Variants in MACF1 observed in about 807,000 individuals in gnomAD.
The protein encoded by MACF1 is microtubule-actin cross-linking factor 1.
Under a neutral mutation model 854.8 loss-of-function variants are expected in MACF1, and 193 were observed. That is an observed-to-expected ratio of 0.23 (90% confidence interval 0.20 to 0.25). The LOEUF is 0.25. Ranked by LOEUF, MACF1 falls within the 10% of genes least tolerant of loss-of-function variation. MACF1 has a pLI of 1.00. For synonymous variants in MACF1, 3,185 were observed against 3,226.7 expected (o/e 0.99, Z 0.44); for missense variants, 7,722 against 8,929.1 (o/e 0.86, Z 5.45).
intron 19 of MACF1, among the ~76,000 whole-genome samples, chr1:39,295,394 G>A (rs1339397678): frequency 6.6e-6 from 1 of 152,184 alleles, no homozygotes; most frequent in African/African-American, 2.4e-5. Flanking sequence ...AGCTTTCAGA[G>A]GAAAAGTGAC....
intron 58 of MACF1, among the ~76,000 whole-genome samples, chr1:39,396,538 T>A (rs772837793): frequency 6.6e-6 from 1 of 152,176 alleles, no homozygotes; most frequent in Non-Finnish European, 1.5e-5. Flanking sequence ...AGTAGTTGAT[T>A]AGTAAACATG....
chr1:39,124,675 G>T (rs1642814991), intron 2 of MACF1, among the ~76,000 whole-genome samples: 1 of 152,114 alleles, frequency 6.6e-6, no homozygotes. Flanking sequence ...GTTTTGCCTA[G>T]CATTATTTAA....
rs1457801660 is a variant in MACF1, at chr1:39,335,673, G to A, written c.9085G>A (p.Ala3029Thr). 6.2e-7 allele frequency: 1 copy of A among 1,614,018 alleles called. No homozygotes were observed. The highest frequency in any genetic ancestry group is 2.2e-5 in the East Asian group (1 of 44,876). Residue 3029 changes from alanine (A) to threonine (T), a missense_variant, in exon 37 of 101, where the codon GCT becomes ACT. By Grantham distance (58) the Ala-to-Thr change is moderately conservative. Transcript: ENST00000564288. ...EMTSSEKGKE[A>T]DTEMGFSITF... ...GACCTCAAGTGAAAAAGGGAAAGAA[G>A]CTGATACAGAAATGGGATTTTCTAT...
At chr1:39,375,140 T>C (rs1649603986) in intron 52 of MACF1, among the ~76,000 whole-genome samples, 1 of 151,782 alleles carries the variant, frequency 6.6e-6, no homozygotes, top group African/African-American at 2.4e-5. Context: ...ATAATAAAAA[T>C]TAAAAGAAAC....
At chr1:39,121,541 C>G (rs137917680) in intron 2 of MACF1, among the ~76,000 whole-genome samples, 1 of 152,104 alleles carries the variant, frequency 6.6e-6, no homozygotes, top group Non-Finnish European at 1.5e-5. Context: ...CTTCGCCTCC[C>G]GGGTTCAAGT....
chr1:39,310,380 G>A lies in MACF1; in HGVS notation c.3052G>A (p.Glu1018Lys), dbSNP rs1410510528. The change falls in exon 25 of 101, where the codon GAA (glutamate) becomes AAA (lysine). Residue 1018 changes from glutamate to lysine, a missense_variant. Physicochemically the swap from Glu to Lys is moderately conservative, Grantham distance 56 (BLOSUM62 1). Coordinates refer to ENST00000564288, the MANE Select transcript of MACF1 (RefSeq NM_001394062.1). ...TCGCTTGCGCTTGGAAGAGGAGGTGGAAGCTTGTAAAGCCCGCTTCCAGCA... is the reference window on the plus strand; with the variant it reads ...TCGCTTGCGCTTGGAAGAGGAGGTGAAAGCTTGTAAAGCCCGCTTCCAGCA... ...ADRLRLEEEV[E>K]ACKARFQHLM... The A allele has an allele frequency of 1.9e-6, 3 of 1,614,044 alleles. No individual in the cohort carries two copies. The highest frequency in any genetic ancestry group is 1.3e-5 in the African/African-American group (1 of 74,912).
At chr1:39,467,307 A>G (rs936880779) in intron 95 of MACF1, among the ~76,000 whole-genome samples, 6 of 152,090 alleles carry the variant, frequency 3.9e-5, no homozygotes. Flanking sequence ...GGAGCTTGCA[A>G]TGAGCCAAGA....
chr1:39,219,201 C>CT (rs1234467993), intron 1 of MACF1, among the ~76,000 whole-genome samples: 1 of 152,208 alleles, frequency 6.6e-6, no homozygotes, highest in Non-Finnish European at 1.5e-5. Context: ...TGATAAATGC[C>CT]TTTCATGAAT....
At chr1:39,450,841 G>A (rs1487602800) in intron 84 of MACF1, among the ~76,000 whole-genome samples, 2 of 151,920 alleles carry the variant, frequency 1.3e-5, no homozygotes, top group Non-Finnish European at 2.9e-5. Flanking sequence ...TCGATCTCCT[G>A]ACCTCGTGAT....
At position 39,105,160 on chromosome 1, in the gene MACF1, GC is replaced by G. The variant is rs1323340616; in HGVS notation, c.220+20726del. 1.3e-5 allele frequency among the ~76,000 whole-genome samples: 2 copies of G among 151,840 alleles called. No homozygotes were observed. The highest frequency in any genetic ancestry group is 2.9e-5 in the Non-Finnish European group (2 of 67,910). On this transcript the variant is annotated intron_variant, in intron 2 of 93. Transcript: ENST00000361689. The surrounding 1 kb of genome is among the most constrained non-coding windows in gnomAD (Gnocchi z 5.9). ...CGGCCTCTCGCGCCCCTCGGCTCGG[GC>G]CCCAGTCCGGGCCGGGCGGGGGTCG...
intron 6 of MACF1, among the ~76,000 whole-genome samples, chr1:39,274,349 C>G (rs1571249359): frequency 6.6e-6 from 1 of 152,126 alleles, no homozygotes; most frequent in South Asian, 2.1e-4. Context: ...ACAGTTGGCT[C>G]TCTGCATTGT....
rs551187110 is a variant in MACF1 at position 39,249,502 on chromosome 1, A to G, written c.172-512A>G. Among the ~76,000 whole-genome samples, 8 of 152,334 alleles carry G rather than the reference A, an allele frequency of 5.3e-5. No homozygotes were observed. The South Asian group carries it at 1.0e-3, about 20-fold the overall frequency. On this transcript the variant is annotated intron_variant, in intron 2 of 100. Transcript: ENST00000564288. ...TAGTTCCAATTTTAAAGTTAATTGG[A>G]ATTTCCCACAAAGAAAATTATTCTG... is the stretch of plus-strand genomic sequence containing the variant.
Position 39,469,574 on chromosome 1 carries a change from G to A in MACF1, c.21917G>A (p.Arg7306His), listed in dbSNP as rs1038465140. Reference protein sequence around the residue: ...RVHHPGSKIKRSDSSSSISSQ... With the variant: ...RVHHPGSKIKHSDSSSSISSQ... ...CACCATCCTGGGAGTAAAATAAAGC[G>A]CTCTGATTCCAGCTCTTCGATTTCC... The change falls in exon 97 of 101, where the codon CGC becomes CAC. Residue 7306 changes from arginine (R) to histidine (H), a missense_variant. By Grantham distance (29) the Arg-to-His change is conservative. Transcript: ENST00000564288. 1.4e-5 allele frequency: 22 copies of A among 1,550,492 alleles called. No homozygotes were observed. Among genetic ancestry groups the A allele is most frequent in the Admixed American group, 9.8e-5 (5 of 51,004 alleles).
At chr1:39,198,550 C>G (rs1278174125) in intron 2 of MACF1, among the ~76,000 whole-genome samples, 2 of 151,542 alleles carry the variant, frequency 1.3e-5, no homozygotes, top group African/African-American at 4.9e-5. Context: ...ACTCAGGAGG[C>G]TGAGGCAGGA....
Position 39,193,840 on chromosome 1 carries a change from CTTTTTTCT to C in MACF1, c.221-37327_221-37320del, listed in dbSNP as rs201453145. On this transcript the variant is annotated intron_variant, in intron 2 of 93. Coordinates refer to the MACF1 transcript ENST00000361689. The stretch of plus-strand genomic sequence containing the variant: ...GCACTTGGGTTTAAGAGTGAGTTTT[CTTTTTTCT>C]TTTTTTCTTTTTTTGAGACAGTTTC... 6.3e-3 allele frequency among the ~76,000 whole-genome samples: 959 copies of C among 151,718 alleles called. 11 individuals carry two copies. Among genetic ancestry groups the C allele is most frequent in the African/African-American group, 0.021 (877 of 41,396 alleles).
chr1:39,251,752 CT>C (rs1320710255), intron 3 of MACF1, 93 bp from the exon 4 acceptor site: 95 of 667,598 alleles, frequency 1.4e-4, no homozygotes, highest in Non-Finnish European at 1.7e-4. Context: ...TTTGTTTTTC[CT>C]TTTTTTTAAG....
At chr1:39,220,651 T>G (rs1453033277) in intron 1 of MACF1, among the ~76,000 whole-genome samples, 3 of 149,570 alleles carry the variant, frequency 2.0e-5, no homozygotes, top group Non-Finnish European at 4.4e-5. Context: ...CCTGGCTAAT[T>G]TTTGTCTTTT....
intron 2 of MACF1, chr1:39,249,764 G>A (rs957253061): frequency 2.3e-5 from 7 of 302,104 alleles, no homozygotes; most frequent in South Asian, 1.0e-4. Context: ...TTTCTAGGAC[G>A]TTGTTGCATG....
chr1:39,383,661 A>T (rs765727847), intron 56 of MACF1, among the ~76,000 whole-genome samples: 4 of 152,192 alleles, frequency 2.6e-5, no homozygotes, highest in Non-Finnish European at 5.9e-5. Flanking sequence ...GCAGATCACG[A>T]GGTCAGGAGA....
Sources: gnomAD v4.1 joint callset for allele counts (sites outside exome capture counted in the v4.1 genomes callset) on GRCh38, gnomAD v4.1.1 for gene constraint, Gnocchi (gnomAD v3.1) non-coding constraint, MANE v1.5 for transcripts, NCBI Gene and HGNC (gene_info 2026-07-23, HGNC 2026-07-21) for gene names.